The following PALLD variants were observed in gnomAD, a reference collection of about 807,000 sequenced individuals.
PALLD encodes the protein palladin.
In PALLD, 61 loss-of-function variants were observed where a neutral mutation model predicts 123.5. The ratio of observed to expected loss-of-function variants is 0.49; its 90% CI spans 0.40 to 0.61. The LOEUF (loss-of-function observed/expected upper bound fraction) is 0.61. PALLD is among the 20% of genes least tolerant of loss of function. The probability of loss-of-function intolerance (pLI) is 0.00; values close to 1 mark genes in which losing one functional copy is unlikely to be tolerated. For missense variants in PALLD, 1,273 were observed against 1,377.0 expected, an observed-to-expected ratio of 0.92 and a Z score of 1.20; for synonymous variants, 465 against 496.4, an observed-to-expected ratio of 0.94 and a Z score of 0.84.
intron 10 of PALLD, among the ~76,000 whole-genome samples, chr4:168,867,062 T>TA (rs941610951): frequency 2.0e-5 from 3 of 152,216 alleles, no homozygotes; most frequent in African/African-American, 7.2e-5. Context: ...CTCCTCAGTT[T>TA]AAATCCCGTC....
At chr4:168,786,543 G>A (rs752878718) in intron 10 of PALLD, among the ~76,000 whole-genome samples, 45 of 152,126 alleles carry the variant, frequency 3.0e-4, no homozygotes, top group Non-Finnish European at 5.4e-4. Context: ...ATCCAGGCAT[G>A]GTGGTTCACA....
intron 10 of PALLD, among the ~76,000 whole-genome samples, chr4:168,759,198 A>G (rs1316677907): frequency 3.2e-5 from 1 of 31,704 alleles, no homozygotes; most frequent in Non-Finnish European, 5.9e-5. Context: ...AAAAAAAAAA[A>G]AAAAATATAT....
At chr4:168,668,161 C>T in intron 2 of PALLD, 29 bp from the exon 3 acceptor site, 1 of 1,581,126 alleles carries the variant, frequency 6.3e-7, no homozygotes, top group Non-Finnish European at 8.7e-7. Context: ...TCTTTCCCTC[C>T]TATCCTTTGA....
At chr4:168,497,478 A>G (rs1408235572) in intron 1 of PALLD, among the ~76,000 whole-genome samples, 2 of 152,200 alleles carry the variant, frequency 1.3e-5, no homozygotes, top group African/African-American at 2.4e-5. Flanking sequence ...TATCAATTCC[A>G]AAAGGATTAA....
chr4:168,663,812 G>A (rs1159374166), intron 2 of PALLD, among the ~76,000 whole-genome samples: 2 of 151,908 alleles, frequency 1.3e-5, no homozygotes, highest in Non-Finnish European at 2.9e-5. Context: ...ATGTATTTAT[G>A]CCAATTTCCC....
rs560185013 is a variant in PALLD, at chr4:168,698,027, C to G, written c.1501+6735C>G. Among the ~76,000 whole-genome samples, 3 of 152,306 alleles carry G rather than the reference C, an allele frequency of 2.0e-5. No individual in the cohort carries two copies. The East Asian group carries it at 5.8e-4, about 29-fold the overall frequency. On this transcript the variant is annotated intron_variant, in intron 8 of 21. Transcript: ENST00000505667. ...TGTGGTACATATACTCGATGGAGTA[C>G]TATTCAGCCATAAGAAGGAATGAGA...
chr4:168,764,367 C>G (rs1230316731), intron 10 of PALLD, among the ~76,000 whole-genome samples: 3 of 152,216 alleles, frequency 2.0e-5, no homozygotes, highest in Non-Finnish European at 2.9e-5. Flanking sequence ...TAAATCACCT[C>G]TAGGCTGGAA....
chr4:168,575,636 G>A (rs1004539025), intron 2 of PALLD, among the ~76,000 whole-genome samples: 6 of 152,004 alleles, frequency 3.9e-5, no homozygotes, highest in African/African-American at 7.2e-5. Flanking sequence ...CGGAGCTGCC[G>A]TTGCTGGTCT....
At chr4:168,856,954 A>G (rs1289191761) in intron 10 of PALLD, among the ~76,000 whole-genome samples, 1 of 152,246 alleles carries the variant, frequency 6.6e-6, no homozygotes, top group Non-Finnish European at 1.5e-5. Flanking sequence ...GGACCATCCA[A>G]CAGTCCAATT....
At chr4:168,922,160 A>ACACT (rs1491385580) in intron 18 of PALLD, among the ~76,000 whole-genome samples, 2 of 151,232 alleles carry the variant, frequency 1.3e-5, no homozygotes, top group African/African-American at 4.9e-5. Context: ...TTTTAAAACA[A>ACACT]CACTGTCATC....
chr4:168,735,263 C>T (rs986502112), intron 10 of PALLD, among the ~76,000 whole-genome samples: 3 of 152,176 alleles, frequency 2.0e-5, no homozygotes, highest in East Asian at 1.9e-4. Flanking sequence ...TCACTGCTCT[C>T]GCCCCACTGG....
chr4:168,714,738 A>G (rs182606879), intron 10 of PALLD, among the ~76,000 whole-genome samples: 2 of 152,326 alleles, frequency 1.3e-5, no homozygotes, highest in East Asian at 1.9e-4. Context: ...AAACAAACTA[A>G]TAGGAAACAA....
intron 10 of PALLD, among the ~76,000 whole-genome samples, chr4:168,793,114 T>TATATATGTGTGTGCATATATATAC (rs778986095): frequency 0.021 from 2,963 of 139,986 alleles, 210 homozygotes; most frequent in Non-Finnish European, 0.028. Context: ...CTACATATTT[T>TATATATGTGTGTGCATATATATAC]ATATATGTGT....
rs553867373 is a variant in PALLD, at chr4:168,775,010, A to AT, written c.1964+63093dup. On this transcript the variant is annotated intron_variant, in intron 10 of 21. Transcript: ENST00000505667. Reference sequence around the variant, plus strand: ...TCATTCCTTTTTATTGCTAAAGAGTATTTTTTGTACATAAATATGATATCT... The same window carrying AT: ...TCATTCCTTTTTATTGCTAAAGAGTATTTTTTTGTACATAAATATGATATCT... 7.7e-3 allele frequency among the ~76,000 whole-genome samples: 1,175 copies of AT among 152,148 alleles called. 5 individuals are homozygous for AT. Among genetic ancestry groups the AT allele is most frequent in the Middle Eastern group, 0.024 (7 of 294 alleles).
intron 15 of PALLD, among the ~76,000 whole-genome samples, chr4:168,913,136 CTT>C (rs33986728): frequency 1.3e-3 from 158 of 118,976 alleles, no homozygotes; most frequent in Middle Eastern, 8.8e-3. Context: ...ATGCCACTAA[CTT>C]TTTTTTTTTT....
At chr4:168,553,594 C>T (rs548340595) in intron 2 of PALLD, among the ~76,000 whole-genome samples, 1 of 152,270 alleles carries the variant, frequency 6.6e-6, no homozygotes, top group East Asian at 1.9e-4. Flanking sequence ...AAAAAGAAGG[C>T]TGGGGTGAAT....
intron 10 of PALLD, among the ~76,000 whole-genome samples, chr4:168,751,796 T>A (rs1731096642): frequency 1.3e-5 from 2 of 152,174 alleles, no homozygotes; most frequent in Non-Finnish European, 2.9e-5. Context: ...ATAGTCTCCA[T>A]CTTTGGTTGT....
chr4:168,753,470 A>G (rs984538493), intron 10 of PALLD, among the ~76,000 whole-genome samples: 1 of 151,348 alleles, frequency 6.6e-6, no homozygotes, highest in Admixed American at 6.6e-5. Context: ...ACTCCGCCCT[A>G]GCCAGCATTC....
At chr4:168,607,215 G>A (rs2149748621) in intron 2 of PALLD, among the ~76,000 whole-genome samples, 1 of 152,276 alleles carries the variant, frequency 6.6e-6, no homozygotes, top group Non-Finnish European at 1.5e-5. Flanking sequence ...AGTCATATCT[G>A]CGGAAATAAA....
Sources: gnomAD v4.1 joint callset for allele counts (sites outside exome capture counted in the v4.1 genomes callset) on GRCh38, gnomAD v4.1.1 for gene constraint, MANE v1.5 for transcripts, NCBI Gene and HGNC (gene_info 2026-07-23, HGNC 2026-07-21) for gene names.